The following MRPL47 variants were observed in gnomAD, a reference collection of about 807,000 sequenced individuals.
The protein encoded by MRPL47 is mitochondrial ribosomal protein L47.
In MRPL47, 31 loss-of-function variants were observed where a neutral mutation model predicts 34.0. That is an observed-to-expected ratio of 0.91 (90% confidence interval 0.68 to 1.23). MRPL47 has a LOEUF of 1.23. Among genes scored for constraint, MRPL47 ranks in the 50% most tolerant of loss-of-function variants. MRPL47 has a pLI of 0.00. For synonymous variants in MRPL47, 106 were observed against 101.6 expected (o/e 1.04, Z -0.26); for missense variants, 328 against 285.8 (o/e 1.15, Z -1.07).
Position 179,602,657 on chromosome 3 carries a change from T to C in MRPL47, c.239A>G (p.Lys80Arg), listed in dbSNP as rs756330474. Residue 80 changes from lysine (K) to arginine (R), a missense_variant, in exon 2 of 7, where the codon AAA becomes AGA. Transcript: ENST00000476781. ...DPKNWGQEKV[K>R]SGAAWTCQQL... Reference sequence around the variant, plus strand: ...GACAAATCCAAGTATCTCACCAGATTTTACTTTTTCTTGCCCCCAGTTTTT... The same window carrying C: ...GACAAATCCAAGTATCTCACCAGATCTTACTTTTTCTTGCCCCCAGTTTTT... The C allele has an allele frequency of 1.9e-6, 3 of 1,609,046 alleles. No homozygotes were observed. Among genetic ancestry groups the C allele is most frequent in the Non-Finnish European group, 2.5e-6 (3 of 1,178,170 alleles).
Position 179,593,910 on chromosome 3 carries a change from G to A in MRPL47, c.403-15C>T. ...GAATCTACTACCTGAAAAGAGAATA[G>A]AAAGATACAATTTCAACAATCATCT... On this transcript the variant is annotated splice_polypyrimidine_tract_variant and intron_variant, in intron 4 of 6. Transcript: ENST00000476781. 6.2e-7 allele frequency: 1 copy of A among 1,600,576 alleles called. No individual in the cohort carries two copies. The highest frequency in any genetic ancestry group is 8.5e-7 in the Non-Finnish European group (1 of 1,174,476).
intron 1 of MRPL47, among the ~76,000 whole-genome samples, chr3:179,603,303 G>A (rs1235294382): frequency 6.6e-6 from 1 of 152,106 alleles, no homozygotes; most frequent in South Asian, 2.1e-4. Flanking sequence ...TTGGAAGGCC[G>A]AGGTGGGAGG....
At chr3:179,602,269 G>A (rs1190362750) in intron 2 of MRPL47, among the ~76,000 whole-genome samples, 3 of 152,140 alleles carry the variant, frequency 2.0e-5, no homozygotes, top group Admixed American at 1.3e-4. Flanking sequence ...ACTGGAATCC[G>A]AGAGGCAGAG....
At chr3:179,593,360 T>C (rs1718717625) in intron 5 of MRPL47, among the ~76,000 whole-genome samples, 1 of 152,240 alleles carries the variant, frequency 6.6e-6, no homozygotes, top group Non-Finnish European at 1.5e-5. Context: ...AGGTTCTCAA[T>C]GTGCAAAGAG....
At chr3:179,596,499 A>ATATG in intron 4 of MRPL47, among the ~76,000 whole-genome samples, 1 of 152,156 alleles carries the variant, frequency 6.6e-6, no homozygotes, top group Non-Finnish European at 1.5e-5. Flanking sequence ...CAGTACATAT[A>ATATG]ACCTACTGGG....
In MRPL47 at chr3:179,604,607, C is replaced by T; in HGVS notation, c.18G>A (p.Leu6=). 1.2e-6 allele frequency: 2 copies of T among 1,614,228 alleles called. No individual in the cohort carries two copies. The highest frequency in any genetic ancestry group is 1.3e-5 in the African/African-American group (1 of 75,058). Residue 6 remains leucine, a synonymous_variant, in exon 1 of 7, where the codon TTG becomes TTA. Coordinates refer to ENST00000476781, the MANE Select transcript of MRPL47 (RefSeq NM_020409.3). Reference sequence around the variant, plus strand: ...ATGAAACTCTCCTACAAAGAAGGGCCAAACCGGCCGCAGCCATGTTTTCGC... The same window carrying T: ...ATGAAACTCTCCTACAAAGAAGGGCTAAACCGGCCGCAGCCATGTTTTCGC... MAAAG[L]ALLCRRVSSA...
Position 179,588,808 on chromosome 3 carries a change from T to C in MRPL47, c.*64A>G. ...GAATTTCTTTATAAACCACTTAACA[T>C]ATTTACTCCTGTACACAGACTATTC... On this transcript the variant is annotated 3_prime_UTR_variant, in exon 7 of 7. Coordinates refer to ENST00000476781, the MANE Select transcript of MRPL47 (RefSeq NM_020409.3). The C allele has an allele frequency of 2.1e-6, 3 of 1,449,682 alleles. No homozygotes were observed. Among genetic ancestry groups the C allele is most frequent in the Non-Finnish European group, 2.8e-6 (3 of 1,070,360 alleles). 89.8% of individuals were successfully genotyped at this position (1,449,682 alleles called of 1,614,324 possible).
At chr3:179,590,287 C>T (rs1219330125) in intron 6 of MRPL47, among the ~76,000 whole-genome samples, 3 of 150,930 alleles carry the variant, frequency 2.0e-5, no homozygotes, top group Admixed American at 6.6e-5. Flanking sequence ...TGCAGTGAGC[C>T]GAGATCGCAC....
At position 179,604,577 on chromosome 3, in the gene MRPL47, G is replaced by C; in HGVS notation, c.48C>G (p.Ala16=). ...LALLCRRVSS[A]LKSSRSLITP... ...TTATTAACGATCGGGAAGATTTCAG[G>C]GCGGATGAAACTCTCCTACAAAGAA... is the stretch of plus-strand genomic sequence containing the variant. The change falls in exon 1 of 7, where the codon GCC becomes GCG. Residue 16 remains alanine (A), a synonymous_variant. Transcript: ENST00000476781. 1 of 1,614,180 alleles carries C rather than the reference G, an allele frequency of 6.2e-7. No individual in the cohort carries two copies.
chr3:179,599,332 T>C (rs1041325792), intron 3 of MRPL47, among the ~76,000 whole-genome samples: 1 of 152,220 alleles, frequency 6.6e-6, no homozygotes, highest in African/African-American at 2.4e-5. Flanking sequence ...TAAAACATAG[T>C]CCTTACATTC....
intron 1 of MRPL47, among the ~76,000 whole-genome samples, chr3:179,604,189 T>C (rs1267199557): frequency 1.3e-5 from 2 of 152,196 alleles, no homozygotes; most frequent in African/African-American, 4.8e-5. Flanking sequence ...GACTTGAGTA[T>C]CACAACAAAA....
At position 179,602,752 on chromosome 3, in the gene MRPL47, G is replaced by A. The variant is rs1035596020; in HGVS notation, c.144C>T (p.Ser48=). 5.0e-6 allele frequency: 8 copies of A among 1,611,680 alleles called. No homozygotes were observed. The highest frequency in any genetic ancestry group is 4.0e-5 in the African/African-American group (3 of 74,786). Residue 48 remains serine, a synonymous_variant, in exon 2 of 7, where the codon TCC becomes TCT. Coordinates refer to ENST00000476781, the MANE Select transcript of MRPL47 (RefSeq NM_020409.3). Reference sequence around the variant, plus strand: ...TATGAAGTAATCTATATTGGTGAAAGGATGTCACATTTGGTGTACTCTTAG... The same window carrying A: ...TATGAAGTAATCTATATTGGTGAAAAGATGTCACATTTGGTGTACTCTTAG... ...LLPKSTPNVT[S]FHQYRLLHTT...
At chr3:179,589,987 A>G (rs2108377263) in intron 6 of MRPL47, among the ~76,000 whole-genome samples, 1 of 152,362 alleles carries the variant, frequency 6.6e-6, no homozygotes, top group South Asian at 2.1e-4. Flanking sequence ...CAAAATCATT[A>G]GAATATGTAT....
intron 4 of MRPL47, among the ~76,000 whole-genome samples, chr3:179,596,336 T>A (rs1438832609): frequency 1.3e-5 from 2 of 152,244 alleles, no homozygotes; most frequent in Non-Finnish European, 2.9e-5. Flanking sequence ...ATTGAGAATT[T>A]TTTTTACATT....
intron 5 of MRPL47, 65 bp downstream of exon 5, chr3:179,593,699 TG>T: frequency 6.8e-7 from 1 of 1,465,638 alleles, no homozygotes; most frequent in Non-Finnish European, 9.1e-7. Flanking sequence ...TAAAAGATAT[TG>T]GGCAGGGGAA....
At chr3:179,602,888 G>A in intron 1 of MRPL47, 91 bp from the exon 2 acceptor site, 1 of 1,070,886 alleles carries the variant, frequency 9.3e-7, no homozygotes, top group Non-Finnish European at 1.3e-6. Context: ...TAATCATTTT[G>A]TCATCGATAA....
chr3:179,596,163 A>G (rs1298179346), intron 4 of MRPL47, among the ~76,000 whole-genome samples: 1 of 152,212 alleles, frequency 6.6e-6, no homozygotes, highest in Non-Finnish European at 1.5e-5. Flanking sequence ...AGAATTATAT[A>G]ATTTCTCCCT....
intron 1 of MRPL47, among the ~76,000 whole-genome samples, chr3:179,603,466 G>A (rs1393500443): frequency 6.6e-6 from 1 of 152,142 alleles, no homozygotes; most frequent in Non-Finnish European, 1.5e-5. Flanking sequence ...TTGAGCCTGG[G>A]AGGCAGAGGT....
intron 3 of MRPL47, among the ~76,000 whole-genome samples, chr3:179,598,996 C>T (rs1314455771): frequency 6.6e-6 from 1 of 151,848 alleles, no homozygotes; most frequent in East Asian, 1.9e-4. Flanking sequence ...AAATAAACAT[C>T]ACTACAAAAA....
Sources: gnomAD v4.1 joint callset for allele counts (sites outside exome capture counted in the v4.1 genomes callset) on GRCh38, gnomAD v4.1.1 for gene constraint, MANE v1.5 for transcripts, NCBI Gene and HGNC (gene_info 2026-07-23, HGNC 2026-07-21) for gene names.